Variants in GLIS3 observed in about 807,000 individuals in gnomAD.
GLIS3 encodes GLIS family zinc finger 3.
In GLIS3, 53 loss-of-function variants were observed where a neutral mutation model predicts 78.6. The observed-to-expected ratio is 0.67, with a 90% CI of 0.54 to 0.85. The LOEUF (loss-of-function observed/expected upper bound fraction) is 0.85, where lower values mean the gene tolerates loss of function less well. Ranked by LOEUF, GLIS3 falls within the 40% of genes least tolerant of loss-of-function variation. The pLI is 0.00. For synonymous variants in GLIS3, 684 were observed against 509.9 expected (o/e 1.34, Z -4.60); for missense variants, 1,703 against 1,231.1 (o/e 1.38, Z -5.74).
the GLIS3 span, among the ~76,000 whole-genome samples, chr9:4,475,421 A>G: frequency 6.6e-6 from 1 of 152,160 alleles, no homozygotes. Flanking sequence ...CGTTTACCAG[A>G]GCATTCTTGA....
intron 2 of GLIS3, among the ~76,000 whole-genome samples, chr9:4,152,562 TTAAA>T (rs1445778541): frequency 1.3e-5 from 2 of 152,164 alleles, no homozygotes; most frequent in Non-Finnish European, 1.5e-5. Context: ...AGGTGAGTAA[TTAAA>T]TAATCTCTCA....
chr9:4,041,764 C>T (rs1265450371), intron 4 of GLIS3, among the ~76,000 whole-genome samples: 1 of 152,128 alleles, frequency 6.6e-6, no homozygotes, highest in Non-Finnish European at 1.5e-5. Flanking sequence ...GGTAGAACAC[C>T]CAACCCCACT....
chr9:4,151,756 T>G (rs1157416846), intron 2 of GLIS3, among the ~76,000 whole-genome samples: 1 of 152,014 alleles, frequency 6.6e-6, no homozygotes, highest in Non-Finnish European at 1.5e-5. Flanking sequence ...TTGGATAGAG[T>G]CCTGTGGCAC....
At chr9:4,414,253 G>A in the GLIS3 span, among the ~76,000 whole-genome samples, 1 of 152,312 alleles carries the variant, frequency 6.6e-6, no homozygotes, top group South Asian at 2.1e-4. Flanking sequence ...TTTTAGATTA[G>A]ATAATCCAGC....
At chr9:4,460,786 T>C in the GLIS3 span, among the ~76,000 whole-genome samples, 56,820 of 152,070 alleles carry the variant, frequency 0.37, 11,188 homozygotes, top group South Asian at 0.49. Flanking sequence ...TTGTCCTTGT[T>C]CTTTCTTTCT....
At chr9:4,115,693 A>G (rs1831586352) in intron 4 of GLIS3, among the ~76,000 whole-genome samples, 1 of 152,136 alleles carries the variant, frequency 6.6e-6, no homozygotes, top group Non-Finnish European at 1.5e-5. Context: ...CATAATATGT[A>G]TGTTTTAGAA....
intron 2 of GLIS3, among the ~76,000 whole-genome samples, chr9:4,225,351 T>C (rs1393509621): frequency 6.6e-6 from 1 of 152,188 alleles, no homozygotes; most frequent in African/African-American, 2.4e-5. Flanking sequence ...AATTACTCTT[T>C]GGTAATGGAA....
Position 4,268,211 on chromosome 9 carries a change from G to A in GLIS3, c.388+17827C>T, listed in dbSNP as rs184618211. 2.0e-5 allele frequency among the ~76,000 whole-genome samples: 3 copies of A among 150,576 alleles called. No individual in the cohort carries two copies. The East Asian group carries it at 5.8e-4, about 29-fold the overall frequency. On this transcript the variant is annotated intron_variant, in intron 2 of 10. Transcript: ENST00000381971. ...CAGTTACACCTTAGTTTTTTCATTT[G>A]TAAAACAGGAGTCATAATAACAACA...
intron 5 of GLIS3, among the ~76,000 whole-genome samples, chr9:3,934,677 G>C (rs925043728): frequency 6.6e-6 from 1 of 152,160 alleles, no homozygotes. Flanking sequence ...CCAAAGTGCT[G>C]GGATTATAGG....
At chr9:4,140,798 T>A (rs1367608573) in intron 2 of GLIS3, among the ~76,000 whole-genome samples, 2 of 10,588 alleles carry the variant, frequency 1.9e-4, no homozygotes, top group East Asian at 9.2e-3. Context: ...CTGTTTGAAT[T>A]TATCTTTTTT....
intron 4 of GLIS3, among the ~76,000 whole-genome samples, chr9:4,041,816 T>C (rs1267506372): frequency 6.6e-6 from 1 of 152,202 alleles, no homozygotes; most frequent in Non-Finnish European, 1.5e-5. Context: ...AAAAGATAAA[T>C]GACCCTAGTC....
chr9:4,187,395 G>A (rs1356765276), intron 2 of GLIS3, among the ~76,000 whole-genome samples: 2 of 152,118 alleles, frequency 1.3e-5, no homozygotes, highest in African/African-American at 4.8e-5. Context: ...TTTGGTTACT[G>A]TAGCCTTGTA....
At chr9:4,358,104 G>C in the GLIS3 span, among the ~76,000 whole-genome samples, 3 of 152,018 alleles carry the variant, frequency 2.0e-5, no homozygotes. Context: ...GTTCCCATTT[G>C]TGTGTATGTA....
chr9:3,979,938 G>C (rs146474069), intron 4 of GLIS3, among the ~76,000 whole-genome samples: 3 of 152,256 alleles, frequency 2.0e-5, no homozygotes, highest in Middle Eastern at 6.8e-3. Context: ...ATGGGTCAAC[G>C]TAAGGAACGG....
chr9:4,228,827 C>G (rs1267922920), intron 2 of GLIS3, among the ~76,000 whole-genome samples: 1 of 152,168 alleles, frequency 6.6e-6, no homozygotes, highest in Non-Finnish European at 1.5e-5. Flanking sequence ...AAGAGCCACA[C>G]AGTGGAACTC....
At chr9:4,343,187 A>C (rs200104681) in intron 2 of GLIS3, among the ~76,000 whole-genome samples, 2 of 150,024 alleles carry the variant, frequency 1.3e-5, no homozygotes, top group Admixed American at 1.3e-4. Context: ...AAAAAAAATT[A>C]AAAAATTAGT....
intron 4 of GLIS3, among the ~76,000 whole-genome samples, chr9:3,947,061 G>C (rs1816351307): frequency 6.6e-6 from 1 of 152,154 alleles, no homozygotes; most frequent in Non-Finnish European, 1.5e-5. Context: ...CTCTCAGAAT[G>C]GGAGGCAGGG....
At position 3,989,131 on chromosome 9, in the gene GLIS3, T is replaced by C. The variant is rs144202836; in HGVS notation, c.1711-51942A>G. 2.7e-3 allele frequency among the ~76,000 whole-genome samples: 416 copies of C among 152,148 alleles called. 1 individual carries two copies. Among genetic ancestry groups the C allele is most frequent in the African/African-American group, 9.8e-3 (407 of 41,522 alleles). ...CTAAAGAGGATATACAGACGGTAAA[T>C]AAGCATATGAGAAGATGTTCAACAT... On this transcript the variant is annotated intron_variant, in intron 4 of 10. Transcript: ENST00000381971.
At chr9:4,166,034 C>A (rs563985098) in intron 2 of GLIS3, among the ~76,000 whole-genome samples, 2 of 152,166 alleles carry the variant, frequency 1.3e-5, no homozygotes, top group Non-Finnish European at 2.9e-5. Context: ...GACCAGGTGC[C>A]TTCAAAGCCT....
Sources: gnomAD v4.1 joint callset for allele counts (sites outside exome capture counted in the v4.1 genomes callset) on GRCh38, gnomAD v4.1.1 for gene constraint, MANE v1.5 for transcripts, NCBI Gene and HGNC (gene_info 2026-07-23, HGNC 2026-07-21) for gene names.